TMEM123: variants seen among roughly 807,000 people sequenced by gnomAD.
TMEM123 encodes transmembrane protein 123.
Under a neutral mutation model 19.7 loss-of-function variants are expected in TMEM123, and 16 were observed. The ratio of observed to expected loss-of-function variants is 0.81; its 90% CI spans 0.55 to 1.23. The LOEUF is 1.23. Among genes scored for constraint, TMEM123 ranks in the 50% most tolerant of loss-of-function variants. The probability of loss-of-function intolerance (pLI) is 0.00; values close to 1 mark genes in which losing one functional copy is unlikely to be tolerated. For missense variants in TMEM123, 313 were observed against 257.8 expected (o/e 1.21, Z -1.47); for synonymous variants, 118 against 99.4 (o/e 1.19, Z -1.12).
Position 102,427,447 on chromosome 11 carries a change from CTT to C in TMEM123, c.157+21363_157+21364del, listed in dbSNP as rs754431473. On this transcript the variant is annotated intron_variant, in intron 2 of 4. Transcript: ENST00000398136. ...AGAAGAAATAGGGAGGGTATAAATT[CTT>C]TTTTTTTTTTTTTTTTGGAGACAGA... is the stretch of plus-strand genomic sequence containing the variant. Among the ~76,000 whole-genome samples the C allele has an allele frequency of 4.2e-3, 510 of 122,558 alleles. 8 individuals carry two copies. Among genetic ancestry groups the C allele is most frequent in the African/African-American group, 0.014 (459 of 33,112 alleles). The allele number at this position is 122,558 out of a possible 152,430, so 80.4% of individuals were successfully genotyped here.
In TMEM123 at chr11:102,401,906, T is replaced by G; in HGVS notation, c.448+10A>C. ...AGCATAGGAAAAAAAAGGTCAGCTT[T>G]AATACATACTTGTTACTGATGAAGC... On this transcript the variant is annotated intron_variant, in intron 3 of 4. Coordinates refer to ENST00000398136, the MANE Select transcript of TMEM123 (RefSeq NM_052932.3). The G allele has an allele frequency of 6.2e-7, 1 of 1,611,648 alleles. No homozygotes were observed. The highest frequency in any genetic ancestry group is 8.5e-7 in the Non-Finnish European group (1 of 1,178,384).
At chr11:102,404,463 T>C (rs2135843363) in intron 2 of TMEM123, among the ~76,000 whole-genome samples, 1 of 152,144 alleles carries the variant, frequency 6.6e-6, no homozygotes, top group South Asian at 2.1e-4. Flanking sequence ...TTTGTATTTT[T>C]AGTAGAGACA....
At chr11:102,442,196 T>C (rs1459989959) in intron 2 of TMEM123, among the ~76,000 whole-genome samples, 5 of 152,218 alleles carry the variant, frequency 3.3e-5, no homozygotes, top group African/African-American at 4.8e-5. Flanking sequence ...CCCTAACTCA[T>C]TTTATGAGGC....
At chr11:102,419,127 T>C (rs967707599) in intron 2 of TMEM123, among the ~76,000 whole-genome samples, 1 of 152,214 alleles carries the variant, frequency 6.6e-6, no homozygotes, top group Non-Finnish European at 1.5e-5. Flanking sequence ...TTTACCCATG[T>C]AACAAATCTG....
intron 1 of TMEM123, among the ~76,000 whole-genome samples, chr11:102,451,734 C>T (rs931716078): frequency 1.3e-5 from 2 of 152,258 alleles, no homozygotes; most frequent in Non-Finnish European, 2.9e-5. Flanking sequence ...CTCCAAAGGG[C>T]CAAGGGCCTA....
chr11:102,430,823 G>A (rs778106567), intron 2 of TMEM123, among the ~76,000 whole-genome samples: 1 of 152,164 alleles, frequency 6.6e-6, no homozygotes, highest in Non-Finnish European at 1.5e-5. Flanking sequence ...AGAAGGCAGA[G>A]ATTAAGTAGC....
Position 102,433,282 on chromosome 11 carries a change from G to A in TMEM123, c.157+15530C>T, listed in dbSNP as rs576959901. ...TACTCTGCAAAGCCACAGGGGTGGA[G>A]CTGCTCAAGGACATGGGAGCCCACC... On this transcript the variant is annotated intron_variant, in intron 2 of 4. Transcript: ENST00000398136. Among the ~76,000 whole-genome samples, 7 of 152,128 alleles carry A rather than the reference G, an allele frequency of 4.6e-5. 1 individual carries two copies. The South Asian group carries it at 1.2e-3, about 27-fold the overall frequency.
intron 2 of TMEM123, among the ~76,000 whole-genome samples, chr11:102,414,209 C>CA (rs1952026541): frequency 6.6e-6 from 1 of 152,026 alleles, no homozygotes; most frequent in African/African-American, 2.4e-5. Flanking sequence ...TGTAAAGAGA[C>CA]AAAAACCTAC....
chr11:102,430,453 T>G (rs1565353211), intron 2 of TMEM123, among the ~76,000 whole-genome samples: 2 of 152,304 alleles, frequency 1.3e-5, no homozygotes, highest in East Asian at 3.9e-4. Context: ...CAAACTCCTC[T>G]GAAGGCTGGT....
At chr11:102,421,710 C>T (rs945394375) in intron 2 of TMEM123, among the ~76,000 whole-genome samples, 2 of 152,116 alleles carry the variant, frequency 1.3e-5, no homozygotes, top group African/African-American at 4.8e-5. Flanking sequence ...ACTAAAAACA[C>T]ATATTGTTTA....
At chr11:102,400,141 CTTTTA>C (rs1951898968) in intron 4 of TMEM123, among the ~76,000 whole-genome samples, 1 of 152,148 alleles carries the variant, frequency 6.6e-6, no homozygotes, top group Non-Finnish European at 1.5e-5. Context: ...GTTTGATTTA[CTTTTA>C]TGTGTACTGA....
intron 2 of TMEM123, among the ~76,000 whole-genome samples, chr11:102,404,302 G>C (rs1196785745): frequency 6.6e-6 from 1 of 152,084 alleles, no homozygotes; most frequent in Non-Finnish European, 1.5e-5. Flanking sequence ...ATTTAACTTA[G>C]AGACAAAGTC....
intron 2 of TMEM123, among the ~76,000 whole-genome samples, chr11:102,428,176 A>G (rs1224109582): frequency 6.6e-6 from 1 of 152,178 alleles, no homozygotes; most frequent in Non-Finnish European, 1.5e-5. Flanking sequence ...CATTAATTTA[A>G]AAGGTTTTTC....
rs1857958378 is a variant in TMEM123 at position 102,452,706 on chromosome 11, G to GCCGGCT, written c.-89_-84dup. The GCCGGCT allele has an allele frequency of 1.8e-6, 2 of 1,104,158 alleles. No individual in the cohort carries two copies. The highest frequency in any genetic ancestry group is 2.4e-6 in the Non-Finnish European group (2 of 842,128). The allele number at this position is 1,104,158 out of a possible 1,614,324, so 68.4% of individuals were successfully genotyped here. ...AGAGCGGCTCCTCTGCGCAGCCGGC[G>GCCGGCT]CCGGCTCCGCTTCCCCTTCGGCCGC... On this transcript the variant is annotated 5_prime_UTR_variant, in exon 1 of 5. Coordinates refer to ENST00000398136, the MANE Select transcript of TMEM123 (RefSeq NM_052932.3).
intron 2 of TMEM123, among the ~76,000 whole-genome samples, chr11:102,407,863 C>G (rs537011330): frequency 6.6e-6 from 1 of 152,340 alleles, no homozygotes; most frequent in African/African-American, 2.4e-5. Flanking sequence ...TTAAGCCACC[C>G]AGTTTCTGGT....
intron 2 of TMEM123, among the ~76,000 whole-genome samples, chr11:102,425,541 A>C (rs1952118747): frequency 6.6e-6 from 1 of 150,416 alleles, no homozygotes; most frequent in South Asian, 2.1e-4. Flanking sequence ...ACCTAGGTCA[A>C]GCACTGTTTC....
At chr11:102,437,218 C>G (rs1447551454) in intron 2 of TMEM123, among the ~76,000 whole-genome samples, 1 of 152,180 alleles carries the variant, frequency 6.6e-6, no homozygotes, top group Non-Finnish European at 1.5e-5. Flanking sequence ...ATCCCACAGG[C>G]AAATTCAGTG....
chr11:102,416,078 C>A (rs1161765909), intron 2 of TMEM123, among the ~76,000 whole-genome samples: 3 of 152,106 alleles, frequency 2.0e-5, no homozygotes, highest in African/African-American at 7.2e-5. Context: ...CCACACCCAG[C>A]TAATTTTTGT....
At position 102,448,888 on chromosome 11, in the gene TMEM123, T is replaced by C. The variant is rs753468081; in HGVS notation, c.101-20A>G. On this transcript the variant is annotated intron_variant, in intron 1 of 4. Coordinates refer to ENST00000398136, the MANE Select transcript of TMEM123 (RefSeq NM_052932.3). ...CAGATGCTGTAAAAATAAAGAAATA[T>C]CCTGTTATGAAAGAACATTTAACTA... 16 of 1,612,198 alleles carry C rather than the reference T, an allele frequency of 9.9e-6. No individual in the cohort carries two copies. The Middle Eastern group carries it at 5.0e-4, about 50-fold the overall frequency.
Sources: allele counts gnomAD v4.1 joint callset (sites outside exome capture counted in the v4.1 genomes callset), GRCh38; gene constraint gnomAD v4.1.1; transcripts MANE v1.5; gene names NCBI Gene and HGNC (gene_info 2026-07-23, HGNC 2026-07-21).